SLC4A10: variants seen among roughly 807,000 people sequenced by gnomAD.
SLC4A10 encodes the protein sodium-driven chloride bicarbonate exchanger.
In SLC4A10, 42 loss-of-function variants were observed where a neutral mutation model predicts 137.7. That is an observed-to-expected ratio of 0.30 (90% CI 0.24 to 0.39). SLC4A10 has a LOEUF of 0.39. Among genes scored for constraint, SLC4A10 ranks in the 10% least tolerant of loss-of-function variants. SLC4A10 has a pLI of 1.00. For missense variants in SLC4A10, 925 were observed against 1,355.0 expected (o/e 0.68, Z 4.98); for synonymous variants, 474 against 464.1 (o/e 1.02, Z -0.27).
intron 1 of SLC4A10, among the ~76,000 whole-genome samples, chr2:161,641,546 T>G (rs903317818): frequency 1.3e-5 from 2 of 152,148 alleles, no homozygotes; most frequent in Non-Finnish European, 2.9e-5. Flanking sequence ...TTGAGTAATC[T>G]TGTAGCAGTT....
intron 18 of SLC4A10, 71 bp from the exon 19 acceptor site, chr2:161,950,616 C>T (rs1191328589): frequency 1.7e-5 from 24 of 1,443,126 alleles, no homozygotes; most frequent in Non-Finnish European, 2.0e-5. Flanking sequence ...CTAGTAGCAT[C>T]TGTAAGACCT....
At chr2:161,745,233 T>G (rs1325994470) in intron 1 of SLC4A10, among the ~76,000 whole-genome samples, 1 of 152,124 alleles carries the variant, frequency 6.6e-6, no homozygotes, top group Non-Finnish European at 1.5e-5. Context: ...CCAGTAGGTG[T>G]GCTTCATTAT....
At chr2:161,717,694 C>T (rs940346965) in intron 1 of SLC4A10, among the ~76,000 whole-genome samples, 1 of 152,092 alleles carries the variant, frequency 6.6e-6, no homozygotes, top group Admixed American at 6.6e-5. Context: ...TTCATTTTGC[C>T]AGCATTTTCT....
chr2:161,683,305 A>G (rs2124842011), intron 1 of SLC4A10, among the ~76,000 whole-genome samples: 1 of 152,358 alleles, frequency 6.6e-6, no homozygotes, highest in Non-Finnish European at 1.5e-5. Context: ...CAGGTACCTA[A>G]GAGGAATTCA....
intron 15 of SLC4A10, among the ~76,000 whole-genome samples, chr2:161,941,833 G>T (rs1559587757): frequency 6.6e-6 from 1 of 152,150 alleles, no homozygotes; most frequent in Non-Finnish European, 1.5e-5. Flanking sequence ...TTCCATCATA[G>T]ACAGGAGCTC....
chr2:161,698,244 T>C (rs1202151210), intron 1 of SLC4A10, among the ~76,000 whole-genome samples: 1 of 152,206 alleles, frequency 6.6e-6, no homozygotes, highest in African/African-American at 2.4e-5. Flanking sequence ...ACAATCATGT[T>C]ATCTGCAAAC....
At chr2:161,788,895 C>T (rs528596560) in intron 2 of SLC4A10, among the ~76,000 whole-genome samples, 4 of 152,290 alleles carry the variant, frequency 2.6e-5, no homozygotes, top group African/African-American at 9.6e-5. Context: ...GGTCAGCCCT[C>T]ATCAGGAAAA....
chr2:161,812,834 A>G (rs773411452), intron 3 of SLC4A10, among the ~76,000 whole-genome samples: 1 of 152,062 alleles, frequency 6.6e-6, no homozygotes, highest in Non-Finnish European at 1.5e-5. Context: ...ATGCACGTAT[A>G]TGTCAGATTT....
chr2:161,645,072 G>T (rs941061983), intron 1 of SLC4A10, among the ~76,000 whole-genome samples: 3 of 152,102 alleles, frequency 2.0e-5, no homozygotes, highest in African/African-American at 7.2e-5. Context: ...AATTGGAAGA[G>T]ACTATTTTTA....
At position 161,962,051 on chromosome 2, in the gene SLC4A10, A is replaced by G. The variant is rs150498370; in HGVS notation, c.2863-2084A>G. Among the ~76,000 whole-genome samples, 34 of 152,320 alleles carry G rather than the reference A, an allele frequency of 2.2e-4. 1 individual carries two copies. The East Asian group carries it at 6.4e-3, about 28-fold the overall frequency. ...AAACCAAATGTAAAACTCAGAATAC[A>G]TTTATCATGATGATGATTATTATTT... On this transcript the variant is annotated intron_variant, in intron 21 of 26. Transcript: ENST00000446997.
intron 1 of SLC4A10, among the ~76,000 whole-genome samples, chr2:161,732,027 G>A (rs559922593): frequency 5.9e-5 from 9 of 152,242 alleles, no homozygotes; most frequent in South Asian, 4.1e-4. Context: ...GAAGAGATGC[G>A]TAGGGCAAGG....
At chr2:161,821,577 A>C (rs887094935) in intron 3 of SLC4A10, among the ~76,000 whole-genome samples, 1 of 152,212 alleles carries the variant, frequency 6.6e-6, no homozygotes, top group South Asian at 2.1e-4. Context: ...TACAGTGATC[A>C]TGCCATTGCA....
At chr2:161,754,317 T>C (rs941258397) in intron 1 of SLC4A10, among the ~76,000 whole-genome samples, 1 of 152,012 alleles carries the variant, frequency 6.6e-6, no homozygotes, top group African/African-American at 2.4e-5. Context: ...AGTGGGAGGG[T>C]GAACATAACA....
intron 3 of SLC4A10, among the ~76,000 whole-genome samples, chr2:161,837,056 A>G (rs2058862400): frequency 6.6e-6 from 1 of 152,188 alleles, no homozygotes; most frequent in South Asian, 2.1e-4. Flanking sequence ...ACCAGGAACA[A>G]AGTAAGCCTG....
intron 3 of SLC4A10, among the ~76,000 whole-genome samples, chr2:161,833,076 A>G (rs932008783): frequency 6.6e-6 from 1 of 152,218 alleles, no homozygotes; most frequent in Admixed American, 6.5e-5. Flanking sequence ...TTTTAGAGAT[A>G]CATACCTACA....
chr2:161,873,813 A>G (rs1401438959), intron 7 of SLC4A10, 103 bp from the exon 8 acceptor site: 4 of 1,177,608 alleles, frequency 3.4e-6, no homozygotes, highest in Admixed American at 4.2e-5. Context: ...GACAATGCCT[A>G]AATAATCTAG....
At chr2:161,832,779 C>T (rs539234232) in intron 3 of SLC4A10, among the ~76,000 whole-genome samples, 92 of 152,222 alleles carry the variant, frequency 6.0e-4, no homozygotes, top group African/African-American at 2.1e-3. Flanking sequence ...CTCACTCTGT[C>T]GCCCAGGCTG....
At chr2:161,841,879 A>AT (rs1328126062) in intron 4 of SLC4A10, among the ~76,000 whole-genome samples, 2 of 152,184 alleles carry the variant, frequency 1.3e-5, no homozygotes, top group East Asian at 3.8e-4. Flanking sequence ...TTCCCCCAAA[A>AT]TTTAATAGCT....
intron 15 of SLC4A10, among the ~76,000 whole-genome samples, chr2:161,930,386 CAA>C (rs200661053): frequency 0.016 from 2,485 of 152,032 alleles, 69 homozygotes; most frequent in African/African-American, 0.057. Flanking sequence ...CCATAAAACA[CAA>C]AGTTATATGA....
Sources: gnomAD v4.1 joint callset for allele counts (sites outside exome capture counted in the v4.1 genomes callset) on GRCh38, gnomAD v4.1.1 for gene constraint, MANE v1.5 for transcripts, NCBI Gene and HGNC (gene_info 2026-07-23, HGNC 2026-07-21) for gene names.